Variants in USH1C observed in about 807,000 individuals in gnomAD.
USH1C encodes the protein USH1 protein network component harmonin, also known as harmonin.
A neutral mutation model predicts 119.3 loss-of-function variants in USH1C; 90 were observed. That is an observed-to-expected ratio of 0.75 (90% CI 0.64 to 0.90). The LOEUF (loss-of-function observed/expected upper bound fraction) is 0.90. Ranked by LOEUF, USH1C falls within the 40% of genes least tolerant of loss-of-function variation. The pLI is 0.00. For missense variants in USH1C, 1,165 were observed against 1,167.7 expected, an observed-to-expected ratio of 1.00 and a Z score of 0.03; for synonymous variants, 465 against 443.3, an observed-to-expected ratio of 1.05 and a Z score of -0.62.
At position 17,509,670 on chromosome 11, in the gene USH1C, G is replaced by C. The variant is rs549628785; in HGVS notation, c.1699C>G (p.Pro567Ala). The C allele has an allele frequency of 1.3e-6, 2 of 1,595,844 alleles. No homozygotes were observed. Among genetic ancestry groups the C allele is most frequent in the African/African-American group, 2.7e-5 (2 of 74,878 alleles). Residue 567 changes from proline to alanine, a missense_variant, in exon 18 of 27, where the codon CCT (proline) becomes GCT (alanine). Pro to Ala is a conservative substitution (Grantham distance 27). Transcript: ENST00000005226. ...TPSALPVMPH[P>A]PPSNPPHKVP... Reference sequence around the variant, plus strand: ...TTGTGGGGTGGGTTGGAGGGTGGAGGGTGGGGCATCACAGGCAAGGCAGAG... The same window carrying C: ...TTGTGGGGTGGGTTGGAGGGTGGAGCGTGGGGCATCACAGGCAAGGCAGAG...
chr11:17,504,896 T>C (rs951515123), intron 19 of USH1C, among the ~76,000 whole-genome samples, 199 bp from the exon 20 acceptor site: 1 of 152,186 alleles, frequency 6.6e-6, no homozygotes, highest in African/African-American at 2.4e-5. Context: ...CACCCCTTGA[T>C]ATTAGCCAGA....
intron 1 of USH1C, among the ~76,000 whole-genome samples, chr11:17,537,773 C>T (rs1259145014): frequency 2.6e-5 from 4 of 152,162 alleles, no homozygotes; most frequent in African/African-American, 9.7e-5. Context: ...CTTATCCCAG[C>T]CAGCCTCTCC....
At position 17,527,033 on chromosome 11, in the gene USH1C, G is replaced by A; in HGVS notation, c.504C>T (p.Gly168=). The change falls in exon 6 of 27, where the codon GGC becomes GGT. Residue 168 remains glycine, a synonymous_variant. Transcript: ENST00000005226. The part of the protein sequence containing the change: ...KTVSIKVRHI[G]LIPVKSSPDE... ...CCTCTCACCTTTTCACGGGGATCAGGCCGATGTCTGCGGGAGAAAGGCACA... is the reference window on the plus strand; with the variant it reads ...CCTCTCACCTTTTCACGGGGATCAGACCGATGTCTGCGGGAGAAAGGCACA... The A allele has an allele frequency of 1.3e-6, 2 of 1,557,276 alleles. No homozygotes were observed. Among genetic ancestry groups the A allele is most frequent in the Non-Finnish European group, 8.7e-7 (1 of 1,149,698 alleles).
intron 23 of USH1C, among the ~76,000 whole-genome samples, chr11:17,499,773 C>G (rs754939836): frequency 1.3e-5 from 2 of 152,228 alleles, no homozygotes; most frequent in African/African-American, 2.4e-5. Context: ...CCATACCTCA[C>G]CTTAGTAACC....
At chr11:17,507,567 G>A (rs1435791342) in intron 18 of USH1C, among the ~76,000 whole-genome samples, 1 of 152,128 alleles carries the variant, frequency 6.6e-6, no homozygotes. Flanking sequence ...GAACATCCAC[G>A]ATGTGCCTGC....
intron 23 of USH1C, among the ~76,000 whole-genome samples, chr11:17,500,178 A>G (rs1849383383): frequency 6.6e-6 from 1 of 152,224 alleles, no homozygotes; most frequent in African/African-American, 2.4e-5. Flanking sequence ...GGGATAAAGA[A>G]CAAGGCAAAA....
intron 19 of USH1C, 41 bp downstream of exon 19, chr11:17,505,789 G>C: frequency 6.2e-7 from 1 of 1,613,326 alleles, no homozygotes; most frequent in Non-Finnish European, 8.5e-7. Flanking sequence ...GCCCTGGTCT[G>C]CTCCTCTAGA....
At chr11:17,509,921 A>C (rs1413630962) in intron 17 of USH1C, 83 bp from the exon 18 acceptor site, 3 of 1,481,334 alleles carry the variant, frequency 2.0e-6, no homozygotes, top group Non-Finnish European at 2.7e-6. Flanking sequence ...ATGCTCTTCT[A>C]ATCTGTTTCT....
At chr11:17,506,927 G>A (rs182336175) in intron 18 of USH1C, among the ~76,000 whole-genome samples, 140 of 152,322 alleles carry the variant, frequency 9.2e-4, no homozygotes, top group African/African-American at 3.2e-3. Context: ...TAGTGCCTTG[G>A]CATATAGTAG....
chr11:17,524,845 AT>A (rs1850587993), intron 8 of USH1C, among the ~76,000 whole-genome samples: 1 of 150,602 alleles, frequency 6.6e-6, no homozygotes, highest in East Asian at 1.9e-4. Context: ...AGATCCTCTT[AT>A]TTTTTTAAAT....
chr11:17,517,387 G>A lies in USH1C; in HGVS notation c.1211-1097C>T, dbSNP rs1411063476. 1.9e-6 allele frequency: 3 copies of A among 1,571,390 alleles called. No homozygotes were observed. Among genetic ancestry groups the A allele is most frequent in the East Asian group, 4.7e-5 (2 of 42,644 alleles). ...CAGAGCAGCCAGGCCAGGGAGCAAA[G>A]CGGGGACGCGAACCTGCTCTCCCTG... On this transcript the variant is annotated intron_variant, in intron 14 of 26. Coordinates refer to ENST00000005226, the MANE Select transcript of USH1C (RefSeq NM_153676.4).
In USH1C at chr11:17,510,535, T is replaced by C; in HGVS notation, c.1414-14A>G. ...TGTCTCAGACACCTGGGACCCAGGA[T>C]CGGCGCAGAAAGGAGAGGACAAAGG... On this transcript the variant is annotated splice_polypyrimidine_tract_variant and intron_variant, in intron 16 of 26. Transcript: ENST00000005226. The C allele has an allele frequency of 6.2e-7, 1 of 1,603,262 alleles. No individual in the cohort carries two copies. The highest frequency in any genetic ancestry group is 8.5e-7 in the Non-Finnish European group (1 of 1,170,198).
intron 1 of USH1C, among the ~76,000 whole-genome samples, chr11:17,534,038 C>G (rs1454072069): frequency 6.6e-6 from 1 of 152,256 alleles, no homozygotes; most frequent in Non-Finnish European, 1.5e-5. Flanking sequence ...GCACCTCAAT[C>G]CCAGCGGGAG....
rs143923730 is a variant in USH1C, at chr11:17,517,465, C to G, written c.1211-1175G>C. 117 of 1,592,628 alleles carry G rather than the reference C, an allele frequency of 7.3e-5. No individual in the cohort carries two copies. Among genetic ancestry groups the G allele is most frequent in the Non-Finnish European group, 9.8e-5 (115 of 1,168,822 alleles). ...TGCGGGCTCGAGCTCAGGTTCCACTCCCTGATCATCTACCCAGGGAAAAGA... is the reference window on the plus strand; with the variant it reads ...TGCGGGCTCGAGCTCAGGTTCCACTGCCTGATCATCTACCCAGGGAAAAGA... On this transcript the variant is annotated intron_variant, in intron 14 of 26. Transcript: ENST00000005226.
In USH1C at chr11:17,531,214, G is replaced by C; in HGVS notation, c.327C>G (p.Gly109=). 1 of 1,614,146 alleles carries C rather than the reference G, an allele frequency of 6.2e-7. No homozygotes were observed. The highest frequency in any genetic ancestry group is 8.5e-7 in the Non-Finnish European group (1 of 1,180,022). The change falls in exon 4 of 27, where the codon GGC becomes GGG. Residue 109 remains glycine, a synonymous_variant. Transcript: ENST00000005226. The surrounding 1 kb of genome is among the most constrained non-coding windows in gnomAD (Gnocchi z 4.2). ...TGAGGTGGGAGATGAAGAGCCCACA[G>C]CCAAACTCCAGGCCACCACGCACAC... The part of the protein sequence containing the change: ...GLSVRGGLEF[G]CGLFISHLIK...
Position 17,498,238 on chromosome 11 carries a change from A to G in USH1C, c.2414T>C (p.Ile805Thr), listed in dbSNP as rs1424253933. 2 of 1,614,138 alleles carry G rather than the reference A, an allele frequency of 1.2e-6. No homozygotes were observed. The highest frequency in any genetic ancestry group is 1.6e-4 in the Middle Eastern group (1 of 6,062). The change falls in exon 24 of 27, where the codon ATC becomes ACC. Residue 805 changes from isoleucine to threonine, a missense_variant. Coordinates refer to ENST00000005226, the MANE Select transcript of USH1C (RefSeq NM_153676.4). ...GIVKGDEIMA[I>T]NGKIVTDYTL... ...GTAGTCTGTCACAATCTTGCCGTTGATTGCCATGATCTCGTCCCCTTTCAC... is the reference window on the plus strand; with the variant it reads ...GTAGTCTGTCACAATCTTGCCGTTGGTTGCCATGATCTCGTCCCCTTTCAC...
intron 18 of USH1C, among the ~76,000 whole-genome samples, chr11:17,509,032 A>G (rs945965876): frequency 3.3e-5 from 5 of 152,172 alleles, no homozygotes; most frequent in African/African-American, 1.2e-4. Context: ...ATTAACATAG[A>G]CTTCCAAGTC....
intron 24 of USH1C, among the ~76,000 whole-genome samples, chr11:17,497,799 T>A (rs1849295727): frequency 6.6e-6 from 1 of 152,212 alleles, no homozygotes; most frequent in South Asian, 2.1e-4. Flanking sequence ...TCCTTCATCC[T>A]GGGTTCTCTG....
At chr11:17,517,860 A>C (rs2240486) in intron 14 of USH1C, among the ~76,000 whole-genome samples, 1 of 152,072 alleles carries the variant, frequency 6.6e-6, no homozygotes, top group Non-Finnish European at 1.5e-5. Flanking sequence ...CAGACCCTCC[A>C]GCCTTGTGCT....
Sources: allele counts gnomAD v4.1 joint callset (sites outside exome capture counted in the v4.1 genomes callset), GRCh38; gene constraint gnomAD v4.1.1; non-coding constraint Gnocchi (gnomAD v3.1); transcripts MANE v1.5; gene names NCBI Gene and HGNC (gene_info 2026-07-23, HGNC 2026-07-21).